Variants in CYFIP2 observed in about 807,000 individuals in gnomAD.
CYFIP2 encodes cytoplasmic FMR1-interacting protein 2.
A neutral mutation model predicts 158.7 loss-of-function variants in CYFIP2; 29 were observed. That is an observed-to-expected ratio of 0.18 (90% CI 0.14 to 0.25). CYFIP2 has a LOEUF of 0.25. Among genes scored for constraint, CYFIP2 ranks in the 10% least tolerant of loss-of-function variants. CYFIP2 has a pLI of 1.00. For missense variants in CYFIP2, 852 were observed against 1,639.5 expected (o/e 0.52, Z 8.29); for synonymous variants, 585 against 617.6 (o/e 0.95, Z 0.78).
At chr5:157,278,524 T>G (rs972383429) in intron 1 of CYFIP2, among the ~76,000 whole-genome samples, 1 of 152,248 alleles carries the variant, frequency 6.6e-6, no homozygotes, top group African/African-American at 2.4e-5. Context: ...GCTGACCATG[T>G]GACCTTGAAT....
In CYFIP2 at chr5:157,383,353, C is replaced by T. The variant is rs745420580; in HGVS notation, c.3201C>T (p.Thr1067=). ...TCCCTCTGATCGAGCGGCTGGGGAC[C>T]CCTCAGGTACCAATCTTATATAATA... ...HLVPLIERLG[T]PQQIAIAREG... is the part of the protein sequence containing the mutation. The change falls in exon 28 of 31, where the codon ACC becomes ACT. Residue 1067 remains threonine (T), a synonymous_variant. Coordinates refer to ENST00000620254, the MANE Select transcript of CYFIP2 (RefSeq NM_001037333.3). 1.2e-6 allele frequency: 2 copies of T among 1,613,624 alleles called. No homozygotes were observed. The highest frequency in any genetic ancestry group is 1.1e-5 in the South Asian group (1 of 91,020).
intron 28 of CYFIP2, among the ~76,000 whole-genome samples, chr5:157,387,527 T>A (rs772292028): frequency 2.6e-5 from 4 of 152,244 alleles, no homozygotes; most frequent in African/African-American, 9.6e-5. Context: ...ATTCATGGCT[T>A]GAGAACAAAT....
intron 28 of CYFIP2, 61 bp downstream of exon 28, chr5:157,383,420 C>T (rs1386190807): frequency 9.6e-6 from 14 of 1,452,100 alleles, no homozygotes; most frequent in African/African-American, 2.8e-5. Flanking sequence ...AGCATTTGAC[C>T]AAACCCCCTC....
chr5:157,268,458 A>G (rs1204047113), intron 1 of CYFIP2, among the ~76,000 whole-genome samples: 1 of 152,188 alleles, frequency 6.6e-6, no homozygotes, highest in Non-Finnish European at 1.5e-5. Flanking sequence ...GCCCTCTCTG[A>G]TGTTCAGTGG....
At chr5:157,328,195 G>GTT in intron 19 of CYFIP2, 146 bp downstream of exon 19, 1 of 735,934 alleles carries the variant, frequency 1.4e-6, no homozygotes, top group Non-Finnish European at 2.2e-6. Context: ...CTGAGATAGA[G>GTT]TGGAAAGGAA....
At chr5:157,278,279 C>T (rs531379064) in intron 1 of CYFIP2, among the ~76,000 whole-genome samples, 5 of 152,190 alleles carry the variant, frequency 3.3e-5, no homozygotes, top group African/African-American at 7.2e-5. Flanking sequence ...GAGCGCCATA[C>T]GGACATGGAA....
At chr5:157,312,400 A>T (rs1378845712) in intron 11 of CYFIP2, among the ~76,000 whole-genome samples, 1 of 152,140 alleles carries the variant, frequency 6.6e-6, no homozygotes, top group East Asian at 1.9e-4. Flanking sequence ...AAAGGAGAGA[A>T]AATCACATAA....
rs2113366956 is a variant in CYFIP2 at position 157,361,511 on chromosome 5, G to A, written c.2952G>A (p.Glu984=). 1 of 1,614,098 alleles carries A rather than the reference G, an allele frequency of 6.2e-7. No individual in the cohort carries two copies. Among genetic ancestry groups the A allele is most frequent in the Non-Finnish European group, 8.5e-7 (1 of 1,180,018 alleles). ...ACCACCAGCTGAAGGACATCATTGA[G>A]TACGCAGAGCTCAAAACAGACGTGT... is the stretch of plus-strand genomic sequence containing the variant. ...FFHHQLKDII[E]YAELKTDVFQ... Residue 984 remains glutamate (E), a synonymous_variant, in exon 26 of 31, where the codon GAG becomes GAA. Transcript: ENST00000620254. This position sits in a 1 kb window ranked among gnomAD's most constrained non-coding sequence, Gnocchi z 4.4.
At chr5:157,363,378 T>C (rs954627873) in intron 26 of CYFIP2, 1 of 152,222 alleles carries the variant, frequency 6.6e-6, no homozygotes, top group Admixed American at 6.5e-5. Context: ...TAAATGGTCA[T>C]GAATAAGAGA....
chr5:157,384,472 C>T (rs1766447890), intron 28 of CYFIP2: 1 of 456,782 alleles, frequency 2.2e-6, no homozygotes. Flanking sequence ...TCACCAAGGG[C>T]AAAAGGACTC....
intron 26 of CYFIP2, among the ~76,000 whole-genome samples, chr5:157,381,548 G>C: frequency 1.4e-5 from 2 of 138,326 alleles, no homozygotes. Flanking sequence ...AAAAAAAAAA[G>C]GGGTGAGGGG....
At position 157,320,508 on chromosome 5, in the gene CYFIP2, T is replaced by G. The variant is rs1240203741; in HGVS notation, c.1524-147T>G. On this transcript the variant is annotated intron_variant, in intron 14 of 30. Transcript: ENST00000620254. ...AATCTGTTAAACCAGAGTTTTGGAATTGGGGCAGAAATGAGCATGCTTTAC... is the reference window on the plus strand; with the variant it reads ...AATCTGTTAAACCAGAGTTTTGGAAGTGGGGCAGAAATGAGCATGCTTTAC... The G allele has an allele frequency of 9.5e-6, 10 of 1,053,330 alleles. No homozygotes were observed. The East Asian group carries it at 2.6e-4, about 27-fold the overall frequency. The allele number at this position is 1,053,330 out of a possible 1,614,324, so 65.2% of individuals were successfully genotyped here.
chr5:157,359,114 T>G lies in CYFIP2; in HGVS notation c.2783T>G (p.Val928Gly). 6.2e-7 allele frequency: 1 copy of G among 1,613,986 alleles called. No individual in the cohort carries two copies. Among genetic ancestry groups the G allele is most frequent in the Non-Finnish European group, 8.5e-7 (1 of 1,179,880 alleles). ...CTGGGTTATCAGGGCATCGCTGTGG[T>G]CATGGAGGAACTGCTAAAGATTGTG... The part of the protein sequence containing the change: ...RLLGYQGIAV[V>G]MEELLKIVKS... The change falls in exon 24 of 31, where the codon GTC becomes GGC. Residue 928 changes from valine to glycine, a missense_variant. Around this residue, in one of 8 missense-constraint regions of CYFIP2, gnomAD observed 191 missense variants for 311.2 expected, o/e 0.61. Coordinates refer to ENST00000620254, the MANE Select transcript of CYFIP2 (RefSeq NM_001037333.3).
intron 23 of CYFIP2, chr5:157,343,586 A>C: frequency 7.0e-7 from 1 of 1,438,330 alleles, no homozygotes; most frequent in Non-Finnish European, 9.4e-7. Context: ...CCCTGATTTA[A>C]GTATGTATTT....
chr5:157,389,327 G>A lies in CYFIP2; in HGVS notation c.3346G>A (p.Gly1116Ser). The change falls in exon 29 of 31, where the codon GGC (glycine) becomes AGC (serine). Residue 1116 changes from glycine to serine, a missense_variant. By Grantham distance (56) the Gly-to-Ser change is moderately conservative. Coordinates refer to ENST00000620254, the MANE Select transcript of CYFIP2 (RefSeq NM_001037333.3). ...PIWRGPPPTN[G>S]VMHVDECVEF... ...CTGGCGGGGCCCACCGCCCACCAAT[G>A]GCGTCATGCACGTCGATGAGTGTGT... 6.2e-7 allele frequency: 1 copy of A among 1,614,044 alleles called. No individual in the cohort carries two copies. Among genetic ancestry groups the A allele is most frequent in the South Asian group, 1.1e-5 (1 of 91,090 alleles).
chr5:157,317,178 C>G (rs1760217873), intron 13 of CYFIP2, among the ~76,000 whole-genome samples: 1 of 152,124 alleles, frequency 6.6e-6, no homozygotes, highest in Non-Finnish European at 1.5e-5. Context: ...TATCGTCATC[C>G]AAGCACAACC....
At chr5:157,336,630 T>G (rs1380764544) in intron 21 of CYFIP2, among the ~76,000 whole-genome samples, 3 of 152,206 alleles carry the variant, frequency 2.0e-5, no homozygotes, top group Non-Finnish European at 4.4e-5. Context: ...CAATCAGGTC[T>G]TCTTTCGTTG....
At chr5:157,290,261 T>G (rs1304479502) in intron 3 of CYFIP2, among the ~76,000 whole-genome samples, 2 of 152,206 alleles carry the variant, frequency 1.3e-5, no homozygotes, top group Non-Finnish European at 2.9e-5. Context: ...TCTTACTGAG[T>G]TAAAATCAGG....
intron 3 of CYFIP2, among the ~76,000 whole-genome samples, chr5:157,290,808 C>T (rs1225249272): frequency 6.6e-6 from 1 of 152,198 alleles, no homozygotes; most frequent in Admixed American, 6.5e-5. Flanking sequence ...ATGAGATGCT[C>T]ATCTTCTTGT....
Sources: allele counts gnomAD v4.1 joint callset (sites outside exome capture counted in the v4.1 genomes callset), GRCh38; gene constraint gnomAD v4.1.1; regional missense constraint gnomAD v4.1.1; non-coding constraint Gnocchi (gnomAD v3.1); transcripts MANE v1.5; gene names NCBI Gene and HGNC (gene_info 2026-07-23, HGNC 2026-07-21).